Variants in DNAAF19 observed in about 807,000 individuals in gnomAD.
DNAAF19 encodes the protein dynein axonemal assembly factor 19.
chr17:44,900,429 G>C, the DNAAF19 span, among the ~76,000 whole-genome samples: 1 of 152,136 alleles, frequency 6.6e-6, no homozygotes, highest in African/African-American at 2.4e-5. Flanking sequence ...TGGACAGAGG[G>C]ATTTGGGGAT....
chr17:44,904,809 G>A, the DNAAF19 span: 2 of 1,550,650 alleles, frequency 1.3e-6, no homozygotes, highest in Non-Finnish European at 1.7e-6. Context: ...ATTGACCACG[G>A]CAACCAGCTC....
At chr17:44,904,982 T>TA in the DNAAF19 span, 2 of 1,550,812 alleles carry the variant, frequency 1.3e-6, no homozygotes, top group Non-Finnish European at 1.7e-6. Context: ...CCTGATAGGC[T>TA]ACCTGCTCAT....
chr17:44,900,088 A>G, the DNAAF19 span, among the ~76,000 whole-genome samples: 1,378 of 152,220 alleles, frequency 9.1e-3, 19 homozygotes, highest in African/African-American at 0.031. Flanking sequence ...AGGTCCCACA[A>G]GTAAATGCCA....
chr17:44,903,645 G>A, the DNAAF19 span: 3 of 1,432,944 alleles, frequency 2.1e-6, no homozygotes, highest in East Asian at 2.5e-5. Context: ...AGGGCATCTT[G>A]TACATCCACT....
chr17:44,904,315 C>T, the DNAAF19 span: 2 of 1,544,992 alleles, frequency 1.3e-6, no homozygotes, highest in Non-Finnish European at 1.7e-6. Context: ...CAGATGAATA[C>T]TATGGGCACC....
the DNAAF19 span, chr17:44,903,835 C>T: frequency 1.5e-5 from 24 of 1,549,578 alleles, no homozygotes; most frequent in East Asian, 4.9e-5. Context: ...CAGGTATGCA[C>T]CTGGCCCTCA....
chr17:44,901,267 C>T, the DNAAF19 span: 1 of 1,185,994 alleles, frequency 8.4e-7, no homozygotes, highest in Non-Finnish European at 1.2e-6. Flanking sequence ...TATGCAATTT[C>T]CTTAACTTCT....
At chr17:44,903,595 CT>C in the DNAAF19 span, 18 of 1,404,308 alleles carry the variant, frequency 1.3e-5, no homozygotes, top group Middle Eastern at 2.6e-4. Context: ...TCTAGAATGG[CT>C]TTCCCCCCCC....
the DNAAF19 span, chr17:44,904,847 C>T: frequency 7.1e-5 from 110 of 1,550,662 alleles, 1 homozygote; most frequent in African/African-American, 3.3e-4. Context: ...GCTGGATGAC[C>T]GGGGCATCTA....
the DNAAF19 span, chr17:44,902,552 T>C: frequency 2.5e-6 from 4 of 1,614,142 alleles, no homozygotes; most frequent in East Asian, 6.7e-5. Flanking sequence ...GCTGATCACG[T>C]GGGGCCGGCT....
the DNAAF19 span, chr17:44,905,373 G>A: frequency 2.7e-6 from 1 of 366,834 alleles, no homozygotes; most frequent in South Asian, 3.9e-5. Flanking sequence ...GGTAAACACT[G>A]ATCAGTGTTG....
chr17:44,901,113 CAG>C, the DNAAF19 span: 1 of 1,607,998 alleles, frequency 6.2e-7, no homozygotes, highest in Non-Finnish European at 8.5e-7. Context: ...GGCAGTGGAA[CAG>C]AGGGTGGCTT....
At chr17:44,901,184 G>A in the DNAAF19 span, 10 of 1,588,598 alleles carry the variant, frequency 6.3e-6, no homozygotes, top group East Asian at 2.3e-5. Flanking sequence ...TGTTATGGTG[G>A]ATTATAGTAG....
the DNAAF19 span, chr17:44,902,407 C>T: frequency 3.1e-6 from 5 of 1,614,108 alleles, no homozygotes; most frequent in South Asian, 1.1e-5. Flanking sequence ...TGACTTCTAT[C>T]GTGATTGGCG....
the DNAAF19 span, chr17:44,904,909 A>G: frequency 2.6e-6 from 4 of 1,550,558 alleles, no homozygotes; most frequent in African/African-American, 1.4e-5. Context: ...TGGGTGTGAC[A>G]TCTCATGGGC....
chr17:44,904,996 A>T, the DNAAF19 span: 5 of 1,550,786 alleles, frequency 3.2e-6, no homozygotes, highest in South Asian at 5.9e-5. Flanking sequence ...TGCTCATCAC[A>T]GCAGTCTTTG....
At chr17:44,902,715 G>C in the DNAAF19 span, 1 of 1,613,572 alleles carries the variant, frequency 6.2e-7, no homozygotes, top group Admixed American at 1.7e-5. Flanking sequence ...CCGTGAAGGA[G>C]GGGCTCAGCT....
the DNAAF19 span, chr17:44,903,738 G>A: frequency 6.9e-7 from 1 of 1,455,252 alleles, no homozygotes; most frequent in African/African-American, 1.4e-5. Flanking sequence ...TCCTCATCTA[G>A]AGGCTTCCGC....
At chr17:44,905,255 G>T in the DNAAF19 span, 1 of 601,872 alleles carries the variant, frequency 1.7e-6, no homozygotes, top group East Asian at 2.8e-5. Context: ...AGGGGCCTGA[G>T]GCTGGTGGGA....
Sources: allele counts gnomAD v4.1 joint callset (sites outside exome capture counted in the v4.1 genomes callset), GRCh38; gene constraint gnomAD v4.1.1; transcripts MANE v1.5; gene names NCBI Gene and HGNC (gene_info 2026-07-23, HGNC 2026-07-21).